Variants in SORCS3 observed in about 807,000 individuals in gnomAD.
The protein encoded by SORCS3 is VPS10 domain-containing receptor SorCS3.
SORCS3 carries 57 observed loss-of-function variants against 146.3 expected under a neutral mutation model. That is an observed-to-expected ratio of 0.39 (90% confidence interval 0.31 to 0.49). The LOEUF is 0.49. Among genes scored for constraint, SORCS3 ranks in the 20% least tolerant of loss-of-function variants. The pLI is 0.92. For synonymous variants in SORCS3, 653 were observed against 618.5 expected, an observed-to-expected ratio of 1.06 and a Z score of -0.83; for missense variants, 1,341 against 1,575.5, an observed-to-expected ratio of 0.85 and a Z score of 2.52.
At chr10:104,754,155 C>A (rs561297063) in intron 1 of SORCS3, among the ~76,000 whole-genome samples, 1 of 152,166 alleles carries the variant, frequency 6.6e-6, no homozygotes, top group South Asian at 2.1e-4. Flanking sequence ...AAGCAGCTTA[C>A]CCGTTTGTGA....
intron 2 of SORCS3, among the ~76,000 whole-genome samples, chr10:104,880,335 T>C (rs2018618532): frequency 6.6e-6 from 1 of 152,202 alleles, no homozygotes; most frequent in African/African-American, 2.4e-5. Context: ...CTCCTCAGTC[T>C]TTCCATTCCT....
chr10:104,684,307 TATC>T, intron 1 of SORCS3, among the ~76,000 whole-genome samples: 1 of 152,380 alleles, frequency 6.6e-6, no homozygotes, highest in South Asian at 2.1e-4. Context: ...ATGGAGCTGT[TATC>T]ATTCTGTAAG....
intron 1 of SORCS3, among the ~76,000 whole-genome samples, chr10:104,788,951 T>C (rs1242338740): frequency 6.6e-6 from 1 of 152,214 alleles, no homozygotes; most frequent in East Asian, 1.9e-4. Context: ...GTGCCATCTG[T>C]TAGAAGCTGG....
intron 13 of SORCS3, among the ~76,000 whole-genome samples, chr10:105,177,310 G>A (rs1365896781): frequency 6.6e-6 from 1 of 152,172 alleles, no homozygotes; most frequent in South Asian, 2.1e-4. Context: ...GGGAAAGAAG[G>A]GATGCTGAGA....
chr10:104,817,787 G>C (rs1437699899), intron 1 of SORCS3, among the ~76,000 whole-genome samples: 1 of 148,794 alleles, frequency 6.7e-6, no homozygotes, highest in African/African-American at 2.5e-5. Context: ...AATCAGTCAG[G>C]GGGGATCAGT....
chr10:104,868,727 A>G (rs911243685), intron 2 of SORCS3, among the ~76,000 whole-genome samples: 1 of 152,190 alleles, frequency 6.6e-6, no homozygotes. Flanking sequence ...ATGGAGCTCG[A>G]TGCTGGGAAT....
In SORCS3 at chr10:104,749,796, A is replaced by C. The variant is rs142478193; in HGVS notation, c.628-92996A>C. The stretch of plus-strand genomic sequence containing the variant: ...TAGTAAATTATTTTTCATATTTTGC[A>C]TACATTTCATATTTTTCATTTTATT... On this transcript the variant is annotated intron_variant, in intron 1 of 26. Coordinates refer to ENST00000369701, the MANE Select transcript of SORCS3 (RefSeq NM_014978.3). 2.5e-3 allele frequency among the ~76,000 whole-genome samples: 386 copies of C among 152,276 alleles called. 1 individual carries two copies. Among genetic ancestry groups the C allele is most frequent in the Non-Finnish European group, 4.6e-3 (312 of 68,018 alleles).
intron 7 of SORCS3, among the ~76,000 whole-genome samples, chr10:105,120,332 T>C (rs2055923016): frequency 6.6e-6 from 1 of 152,200 alleles, no homozygotes; most frequent in African/African-American, 2.4e-5. Flanking sequence ...CTTAAGAAGT[T>C]TAATTACCCA....
intron 20 of SORCS3, among the ~76,000 whole-genome samples, chr10:105,236,613 G>A (rs765090616): frequency 2.0e-5 from 3 of 152,122 alleles, no homozygotes; most frequent in Admixed American, 6.5e-5. Context: ...TTACTTAGGG[G>A]CCTGTGAGGA....
chr10:104,962,792 A>G (rs904365580), intron 3 of SORCS3, among the ~76,000 whole-genome samples: 2 of 152,228 alleles, frequency 1.3e-5, no homozygotes, highest in African/African-American at 2.4e-5. Flanking sequence ...AGAAAAGTAT[A>G]GAGAAGAAAA....
intron 1 of SORCS3, among the ~76,000 whole-genome samples, chr10:104,793,510 A>G (rs2133501723): frequency 6.6e-6 from 1 of 152,286 alleles, no homozygotes; most frequent in South Asian, 2.1e-4. Flanking sequence ...TGGTATTACA[A>G]TATTCCAGGA....
At chr10:104,757,065 G>A (rs1174451150) in intron 1 of SORCS3, among the ~76,000 whole-genome samples, 1 of 114,240 alleles carries the variant, frequency 8.8e-6, no homozygotes, top group Non-Finnish European at 1.7e-5. Flanking sequence ...CCAAGTTAAG[G>A]GTTTTTTTTT....
chr10:104,811,110 T>C (rs974864528), intron 1 of SORCS3, among the ~76,000 whole-genome samples: 8 of 152,108 alleles, frequency 5.3e-5, no homozygotes, highest in Non-Finnish European at 1.2e-4. Flanking sequence ...CAAAACAACA[T>C]ATTAAAAGTA....
chr10:104,950,980 G>T (rs2019423033), intron 3 of SORCS3, among the ~76,000 whole-genome samples: 1 of 152,122 alleles, frequency 6.6e-6, no homozygotes, highest in Non-Finnish European at 1.5e-5. Flanking sequence ...TTGAAGTAAG[G>T]CTACTTTTTG....
chr10:105,036,885 A>ATGCTACC (rs1321975058), intron 4 of SORCS3, among the ~76,000 whole-genome samples: 1 of 152,200 alleles, frequency 6.6e-6, no homozygotes, highest in Non-Finnish European at 1.5e-5. Flanking sequence ...ATACAGCAGA[A>ATGCTACC]TGCTACCTAA....
At chr10:104,643,357 T>C (rs7068684) in intron 1 of SORCS3, among the ~76,000 whole-genome samples, 120,688 of 152,218 alleles carry the variant, frequency 0.79, 48,324 homozygotes, top group Non-Finnish European at 0.85. Context: ...CAGAAGGTAG[T>C]ACATAAGCAA....
At chr10:104,845,843 C>T (rs1054599561) in intron 2 of SORCS3, among the ~76,000 whole-genome samples, 2 of 152,100 alleles carry the variant, frequency 1.3e-5, no homozygotes, top group Admixed American at 6.5e-5. Flanking sequence ...AGAAATGTCC[C>T]TACCACAGGG....
rs2015414845 is a variant in SORCS3, at chr10:104,641,489, G to A, written c.162G>A (p.Pro54=). ...CGGCGGCCCCGGCTTCGCGGCCACC[G>A]GCGTTGTCTCCACTCTCGCCGCGGG... ...GRPAAPASRP[P]ALSPLSPRAV... Residue 54 remains proline, a synonymous_variant, in exon 1 of 27, where the codon CCG becomes CCA. Coordinates refer to ENST00000369701, the MANE Select transcript of SORCS3 (RefSeq NM_014978.3). This position sits in a 1 kb window ranked among gnomAD's most constrained non-coding sequence, Gnocchi z 6.4. 1.4e-6 allele frequency: 2 copies of A among 1,469,444 alleles called. No individual in the cohort carries two copies. The highest frequency in any genetic ancestry group is 1.8e-6 in the Non-Finnish European group (2 of 1,118,272). The allele number at this position is 1,469,444 out of a possible 1,614,324, so 91.0% of individuals were successfully genotyped here. A position where few individuals can be genotyped will look rare whatever the true frequency, so the allele number is the denominator to read the frequency against.
intron 1 of SORCS3, among the ~76,000 whole-genome samples, chr10:104,742,340 C>T (rs1023892906): frequency 1.1e-4 from 16 of 152,126 alleles, no homozygotes; most frequent in African/African-American, 3.9e-4. Context: ...AAGTCATAAC[C>T]TTAGTAGTGT....
Sources: gnomAD v4.1 joint callset for allele counts (sites outside exome capture counted in the v4.1 genomes callset) on GRCh38, gnomAD v4.1.1 for gene constraint, Gnocchi (gnomAD v3.1) non-coding constraint, MANE v1.5 for transcripts, NCBI Gene and HGNC (gene_info 2026-07-23, HGNC 2026-07-21) for gene names.